DTNA: variants seen among roughly 807,000 people sequenced by gnomAD.
The protein encoded by DTNA is dystrobrevin alpha, also known as dystrophin-related protein 3.
Under a neutral mutation model 100.7 loss-of-function variants are expected in DTNA, and 43 were observed. The ratio of observed to expected loss-of-function variants is 0.43; its 90% confidence interval spans 0.33 to 0.55. The LOEUF is 0.55. Ranked by LOEUF, DTNA falls within the 20% of genes least tolerant of loss-of-function variation. DTNA has a pLI of 0.04. For synonymous variants in DTNA, 349 were observed against 347.9 expected (o/e 1.00, Z -0.04); for missense variants, 798 against 953.9 (o/e 0.84, Z 2.15).
chr18:34,544,405 C>T (rs1013158835), intron 1 of DTNA, among the ~76,000 whole-genome samples: 3 of 151,956 alleles, frequency 2.0e-5, no homozygotes, highest in Non-Finnish European at 2.9e-5. Context: ...GGCACTATCC[C>T]CTGAAAAAGA....
intron 1 of DTNA, among the ~76,000 whole-genome samples, chr18:34,703,397 A>G (rs2081656162): frequency 6.6e-6 from 1 of 152,178 alleles, no homozygotes; most frequent in Admixed American, 6.5e-5. Context: ...TCAGTAAAAA[A>G]CGAAGAACAT....
chr18:34,771,747 A>C (rs1273933164), intron 3 of DTNA, among the ~76,000 whole-genome samples: 1 of 152,304 alleles, frequency 6.6e-6, no homozygotes, highest in East Asian at 1.9e-4. Context: ...ATTTTAAATA[A>C]TCCTTTCTAA....
chr18:34,509,240 G>A (rs1045965524), intron 1 of DTNA, among the ~76,000 whole-genome samples: 14 of 152,090 alleles, frequency 9.2e-5, no homozygotes, highest in Admixed American at 7.9e-4. Context: ...CTTACATAGA[G>A]TCATCCTTTC....
chr18:34,858,354 G>C lies in DTNA; in HGVS notation c.1602G>C (p.Lys534Asn). The change falls in exon 16 of 23, where the codon AAG becomes AAC. Residue 534 changes from lysine (K) to asparagine (N), a missense_variant. Around this residue, in one of 6 missense-constraint regions of DTNA, gnomAD observed 159 missense variants for 201.2 expected, o/e 0.79. Transcript: ENST00000444659. ...AAGCTTCTCAGCCCACGCCAGAGAAGGCACAGCAAAACCCCACCCTGCTGG... is the reference window on the plus strand; with the variant it reads ...AAGCTTCTCAGCCCACGCCAGAGAACGCACAGCAAAACCCCACCCTGCTGG... ...HEQASQPTPE[K>N]AQQNPTLLAE... The C allele has an allele frequency of 6.2e-7, 1 of 1,614,180 alleles. No individual in the cohort carries two copies. Among genetic ancestry groups the C allele is most frequent in the Non-Finnish European group, 8.5e-7 (1 of 1,180,038 alleles).
At chr18:34,525,411 A>T (rs2145342367) in intron 1 of DTNA, among the ~76,000 whole-genome samples, 1 of 152,084 alleles carries the variant, frequency 6.6e-6, no homozygotes, top group East Asian at 1.9e-4. Flanking sequence ...TCCAGCTTTA[A>T]TTCTTCCTTT....
chr18:34,571,974 C>T (rs971350716), intron 1 of DTNA, among the ~76,000 whole-genome samples: 1 of 152,166 alleles, frequency 6.6e-6, no homozygotes, highest in Non-Finnish European at 1.5e-5. Context: ...TTGCTAATGT[C>T]CAGGGTCACC....
intron 3 of DTNA, among the ~76,000 whole-genome samples, chr18:34,768,006 A>T (rs1373959542): frequency 6.6e-6 from 1 of 152,176 alleles, no homozygotes; most frequent in East Asian, 1.9e-4. Flanking sequence ...ACTGCTTGCG[A>T]TAGGGGCCAA....
At chr18:34,512,770 A>T (rs772447784) in intron 1 of DTNA, among the ~76,000 whole-genome samples, 1 of 152,108 alleles carries the variant, frequency 6.6e-6, no homozygotes, top group Non-Finnish European at 1.5e-5. Context: ...ATCTTTCAGA[A>T]AACAACCCTT....
At chr18:34,767,414 G>A (rs971840109) in intron 3 of DTNA, 2 of 152,158 alleles carry the variant, frequency 1.3e-5, no homozygotes, top group African/African-American at 4.8e-5. Flanking sequence ...GATAAAAATG[G>A]GGCTGAAGTT....
intron 1 of DTNA, among the ~76,000 whole-genome samples, chr18:34,520,602 C>T (rs542466766): frequency 1.4e-3 from 216 of 152,070 alleles, no homozygotes; most frequent in South Asian, 2.7e-3. Context: ...TGCAGTGAGC[C>T]GAGATCTTGC....
chr18:34,811,893 A>G, intron 5 of DTNA, 66 bp from the exon 6 acceptor site: 1 of 1,589,796 alleles, frequency 6.3e-7, no homozygotes, highest in Non-Finnish European at 8.6e-7. Flanking sequence ...TGTAGCAGAT[A>G]TATTGAACAA....
intron 1 of DTNA, among the ~76,000 whole-genome samples, chr18:34,618,438 T>G (rs2055777429): frequency 1.3e-5 from 2 of 152,138 alleles, no homozygotes; most frequent in South Asian, 2.1e-4. Context: ...TGGTATCAGA[T>G]AGTTCTCTAT....
intron 5 of DTNA, among the ~76,000 whole-genome samples, chr18:34,807,041 G>C (rs932469942): frequency 2.0e-5 from 3 of 152,090 alleles, no homozygotes; most frequent in African/African-American, 4.8e-5. Context: ...ACAAATTTTA[G>C]CATACATCAG....
chr18:34,775,835 C>T (rs1399282907), intron 3 of DTNA, among the ~76,000 whole-genome samples: 3 of 152,232 alleles, frequency 2.0e-5, no homozygotes, highest in Non-Finnish European at 4.4e-5. Flanking sequence ...ATACTTAACT[C>T]CTTAACTACA....
intron 2 of DTNA, among the ~76,000 whole-genome samples, chr18:34,757,548 T>A (rs1457008063): frequency 2.0e-5 from 3 of 152,224 alleles, no homozygotes; most frequent in African/African-American, 7.2e-5. Flanking sequence ...GCTTATTCAA[T>A]GATTTTGTAA....
In DTNA at chr18:34,815,804, T is replaced by G; in HGVS notation, c.604-105T>G. ...TTCTGTTTCTTCAGATATTAGACAT[T>G]TATTGAGTGCTCTTTTGTTTCAGTC... On this transcript the variant is annotated intron_variant, in intron 6 of 22. Coordinates refer to ENST00000444659, the MANE Select transcript of DTNA (RefSeq NM_001386795.1). 7 of 991,886 alleles carry G rather than the reference T, an allele frequency of 7.1e-6. No homozygotes were observed. In the Admixed American group the frequency reaches 1.3e-4, roughly 18 times the overall value. 61.4% of individuals were successfully genotyped at this position (991,886 alleles called of 1,614,324 possible). A position where few individuals can be genotyped will look rare whatever the true frequency, so the allele number is the denominator to read the frequency against.
chr18:34,595,211 C>T (rs1172302860), intron 1 of DTNA, among the ~76,000 whole-genome samples: 1 of 152,222 alleles, frequency 6.6e-6, no homozygotes, highest in Non-Finnish European at 1.5e-5. Flanking sequence ...ACAGGTGCTT[C>T]CAAGAAGTTT....
intron 1 of DTNA, among the ~76,000 whole-genome samples, chr18:34,510,069 T>TTGTGTGTG (rs35805954): frequency 0.62 from 89,273 of 144,716 alleles, 28,172 homozygotes; most frequent in East Asian, 0.78. Context: ...GAGTGTAATT[T>TTGTGTGTG]TGTGTGTGTG....
chr18:34,745,193 A>G (rs959140322), intron 1 of DTNA, among the ~76,000 whole-genome samples: 7 of 152,070 alleles, frequency 4.6e-5, no homozygotes, highest in Admixed American at 6.5e-5. Context: ...AGAAAACAAT[A>G]TATTCTCCTG....
Sources: gnomAD v4.1 joint callset for allele counts (sites outside exome capture counted in the v4.1 genomes callset) on GRCh38, gnomAD v4.1.1 for gene constraint, gnomAD v4.1.1 regional missense constraint, MANE v1.5 for transcripts, NCBI Gene and HGNC (gene_info 2026-07-23, HGNC 2026-07-21) for gene names.